The following FERRY3 variants were observed in gnomAD, a reference collection of about 807,000 sequenced individuals.
FERRY3 encodes the protein FERRY endosomal RAB5 effector complex subunit 3.
chr12:4,497,012 G>A, the FERRY3 span, among the ~76,000 whole-genome samples: 1 of 152,046 alleles, frequency 6.6e-6, no homozygotes, highest in Admixed American at 6.6e-5. Context: ...TATACCCTGA[G>A]ACCTAACAAT....
chr12:4,517,924 G>C, the FERRY3 span: 1 of 650,604 alleles, frequency 1.5e-6, no homozygotes, highest in East Asian at 2.8e-5. Context: ...ACTATGGCTG[G>C]GTATGTTTGT....
chr12:4,502,264 G>T, the FERRY3 span: 1 of 358,354 alleles, frequency 2.8e-6, no homozygotes, highest in Non-Finnish European at 5.4e-6. This position sits in a 1 kb window ranked among gnomAD's most constrained non-coding sequence, Gnocchi z 4.2. Flanking sequence ...ATAATTATAG[G>T]GATTTTATTT....
chr12:4,506,375 ATC>A, the FERRY3 span, among the ~76,000 whole-genome samples: 1 of 152,202 alleles, frequency 6.6e-6, no homozygotes, highest in Non-Finnish European at 1.5e-5. Context: ...CAATATTTTT[ATC>A]CAGTGACTTT....
At chr12:4,518,811 T>C in the FERRY3 span, 1 of 1,593,226 alleles carries the variant, frequency 6.3e-7, no homozygotes, top group Non-Finnish European at 8.5e-7. Context: ...ACTTTCTCTG[T>C]TCCTCATAAA....
chr12:4,534,142 G>A, the FERRY3 span: 1 of 1,544,742 alleles, frequency 6.5e-7, no homozygotes, highest in Non-Finnish European at 8.7e-7. Flanking sequence ...TTTACAATCT[G>A]ACCTATTTTC....
the FERRY3 span, among the ~76,000 whole-genome samples, chr12:4,490,797 T>C: frequency 6.6e-6 from 1 of 152,198 alleles, no homozygotes; most frequent in Non-Finnish European, 1.5e-5. Flanking sequence ...AACAGAGTTT[T>C]GTCAACATGC....
chr12:4,534,812 C>T, the FERRY3 span, among the ~76,000 whole-genome samples: 1 of 152,158 alleles, frequency 6.6e-6, no homozygotes, highest in African/African-American at 2.4e-5. Context: ...TTTACTATTA[C>T]AGGCTATTGC....
the FERRY3 span, among the ~76,000 whole-genome samples, chr12:4,502,978 A>C: frequency 1.3e-5 from 2 of 152,234 alleles, no homozygotes; most frequent in Admixed American, 1.3e-4. The surrounding 1 kb of genome is among the most constrained non-coding windows in gnomAD (Gnocchi z 4.2). Context: ...TGCTTATCAG[A>C]AACTCAGTGA....
the FERRY3 span, chr12:4,518,700 TAA>T: frequency 1.1e-6 from 1 of 929,308 alleles, no homozygotes; most frequent in Non-Finnish European, 1.6e-6. Flanking sequence ...TCTATTATTT[TAA>T]AAAAATAATA....
the FERRY3 span, chr12:4,502,456 C>T: frequency 4.5e-6 from 2 of 447,774 alleles, no homozygotes; most frequent in Non-Finnish European, 8.9e-6. This position sits in a 1 kb window ranked among gnomAD's most constrained non-coding sequence, Gnocchi z 4.2. Flanking sequence ...CAAGAAAAAT[C>T]TCATCAGCTT....
the FERRY3 span, chr12:4,489,989 TCTA>T: frequency 2.4e-6 from 2 of 827,764 alleles, no homozygotes; most frequent in African/African-American, 3.4e-5. Flanking sequence ...TGGACCTAGT[TCTA>T]CTAGGAATAT....
the FERRY3 span, among the ~76,000 whole-genome samples, chr12:4,529,708 G>A: frequency 1.3e-5 from 2 of 152,086 alleles, no homozygotes. Context: ...GACCCTCCCA[G>A]TTGTAGTTAC....
the FERRY3 span, among the ~76,000 whole-genome samples, chr12:4,519,705 G>C: frequency 3.3e-5 from 5 of 152,344 alleles, no homozygotes; most frequent in African/African-American, 1.2e-4. The surrounding 1 kb of genome is among the most constrained non-coding windows in gnomAD (Gnocchi z 4.3). Flanking sequence ...AGCAGGAAGT[G>C]AGCAGCAGGC....
the FERRY3 span, chr12:4,489,909 G>A: frequency 1.1e-5 from 16 of 1,513,746 alleles, no homozygotes; most frequent in Non-Finnish European, 1.1e-5. Context: ...TCTGTAAGAC[G>A]AAAAAATAAT....
the FERRY3 span, among the ~76,000 whole-genome samples, chr12:4,527,072 T>C: frequency 4.6e-5 from 7 of 152,168 alleles, no homozygotes; most frequent in Non-Finnish European, 7.4e-5. Flanking sequence ...GAGATTCTTA[T>C]TTAGAAACAG....
At chr12:4,490,700 T>G in the FERRY3 span, 1 of 800,356 alleles carries the variant, frequency 1.2e-6, no homozygotes, top group African/African-American at 1.8e-5. Context: ...TCTTGACTTT[T>G]TAGGTAGCCA....
the FERRY3 span, among the ~76,000 whole-genome samples, chr12:4,514,476 C>T: frequency 2.0e-5 from 3 of 152,000 alleles, no homozygotes; most frequent in Admixed American, 6.6e-5. Context: ...ATTCACAATA[C>T]GAAGACTTGG....
chr12:4,533,106 A>G, the FERRY3 span, among the ~76,000 whole-genome samples: 1 of 152,210 alleles, frequency 6.6e-6, no homozygotes, highest in Non-Finnish European at 1.5e-5. Context: ...TGAAACACTC[A>G]GAAGAGAATA....
the FERRY3 span, among the ~76,000 whole-genome samples, chr12:4,536,625 C>T: frequency 6.6e-6 from 1 of 152,002 alleles, no homozygotes; most frequent in Non-Finnish European, 1.5e-5. Flanking sequence ...AGGAGTGATC[C>T]TGGAGAACTT....
Sources: allele counts gnomAD v4.1 joint callset (sites outside exome capture counted in the v4.1 genomes callset), GRCh38; gene constraint gnomAD v4.1.1; non-coding constraint Gnocchi (gnomAD v3.1); transcripts MANE v1.5; gene names NCBI Gene and HGNC (gene_info 2026-07-23, HGNC 2026-07-21).